CHCHD3: variants seen among roughly 807,000 people sequenced by gnomAD.
The protein encoded by CHCHD3 is MICOS complex subunit MIC19.
In CHCHD3, 20 loss-of-function variants were observed where a neutral mutation model predicts 38.2. That is an observed-to-expected ratio of 0.52 (90% CI 0.37 to 0.76). The LOEUF is 0.76. Ranked by LOEUF, CHCHD3 falls within the 30% of genes least tolerant of loss-of-function variation. The pLI, the probability that CHCHD3 is intolerant of heterozygous loss-of-function variation, is 0.00. For synonymous variants in CHCHD3, 82 were observed against 100.0 expected (o/e 0.82, Z 1.07); for missense variants, 245 against 279.2 (o/e 0.88, Z 0.87).
At chr7:132,825,864 TCTC>T (rs569316022) in intron 6 of CHCHD3, among the ~76,000 whole-genome samples, 176 of 152,228 alleles carry the variant, frequency 1.2e-3, no homozygotes, top group African/African-American at 3.9e-3. Context: ...CCTTCTCTCT[TCTC>T]CTCCTTGCCA....
chr7:133,073,237 C>T (rs1814879338), intron 1 of CHCHD3, among the ~76,000 whole-genome samples: 1 of 152,042 alleles, frequency 6.6e-6, no homozygotes, highest in Non-Finnish European at 1.5e-5. Flanking sequence ...GGACTCTGGC[C>T]ACATTTTATC....
chr7:133,042,512 C>CATT (rs1813861761), intron 2 of CHCHD3, among the ~76,000 whole-genome samples: 1 of 152,176 alleles, frequency 6.6e-6, no homozygotes, highest in Non-Finnish European at 1.5e-5. Context: ...TTACACTCAT[C>CATT]ATTATAATCA....
chr7:132,990,229 T>C (rs1203861340), intron 3 of CHCHD3, among the ~76,000 whole-genome samples: 6 of 152,176 alleles, frequency 3.9e-5, no homozygotes, highest in Non-Finnish European at 8.8e-5. Flanking sequence ...GAAATGCTCA[T>C]GCTTGACCTA....
rs145991490 is a variant in CHCHD3, at chr7:132,911,070, C to A, written c.370-25325G>T. ...AGATTAGGCTCAAAAAGAAGCATGGCCCATTCTCAGTCATGAAGAATAAGG... is the reference window on the plus strand; with the variant it reads ...AGATTAGGCTCAAAAAGAAGCATGGACCATTCTCAGTCATGAAGAATAAGG... On this transcript the variant is annotated intron_variant, in intron 4 of 7. Transcript: ENST00000262570. 5.6e-4 allele frequency among the ~76,000 whole-genome samples: 86 copies of A among 152,260 alleles called. 1 individual carries two copies. Among genetic ancestry groups the A allele is most frequent in the Non-Finnish European group, 1.0e-3 (68 of 68,016 alleles).
chr7:132,891,986 T>C (rs775833456), intron 4 of CHCHD3, among the ~76,000 whole-genome samples: 5 of 152,218 alleles, frequency 3.3e-5, no homozygotes, highest in African/African-American at 4.8e-5. Context: ...GTTAATTAAA[T>C]CTCTTTCTTT....
At chr7:133,081,086 G>A (rs571310405) in intron 1 of CHCHD3, among the ~76,000 whole-genome samples, 36 of 152,204 alleles carry the variant, frequency 2.4e-4, no homozygotes, top group Non-Finnish European at 4.3e-4. Flanking sequence ...TGTATCAGGT[G>A]CATGCAAAGG....
chr7:132,818,689 A>C (rs901302030), intron 6 of CHCHD3, among the ~76,000 whole-genome samples: 35 of 152,234 alleles, frequency 2.3e-4, no homozygotes, highest in African/African-American at 8.2e-4. Flanking sequence ...AGCAAAAAAA[A>C]CAGTCCTTAA....
chr7:132,877,504 A>G (rs1808942055), intron 5 of CHCHD3, among the ~76,000 whole-genome samples: 1 of 152,218 alleles, frequency 6.6e-6, no homozygotes, highest in Non-Finnish European at 1.5e-5. Flanking sequence ...TTAACAAAAG[A>G]TATGCTGATA....
At chr7:133,056,390 C>T (rs894430762) in intron 2 of CHCHD3, among the ~76,000 whole-genome samples, 1 of 152,170 alleles carries the variant, frequency 6.6e-6, no homozygotes, top group Non-Finnish European at 1.5e-5. Context: ...CTCGCCCCCA[C>T]CACCAATTCC....
chr7:133,009,754 C>A (rs769138068), intron 3 of CHCHD3, among the ~76,000 whole-genome samples: 6 of 152,142 alleles, frequency 3.9e-5, no homozygotes, highest in African/African-American at 1.2e-4. Flanking sequence ...AAGACTTACA[C>A]AACATACGCT....
chr7:133,031,812 A>T (rs1381562581), intron 2 of CHCHD3, among the ~76,000 whole-genome samples: 1 of 152,150 alleles, frequency 6.6e-6, no homozygotes, highest in Non-Finnish European at 1.5e-5. Context: ...TCAGATAAAG[A>T]CTCTGATTCT....
intron 5 of CHCHD3, among the ~76,000 whole-genome samples, chr7:132,869,067 C>T (rs943226928): frequency 2.0e-5 from 3 of 152,170 alleles, no homozygotes; most frequent in Non-Finnish European, 4.4e-5. Flanking sequence ...CACTGATATC[C>T]TAAGTCAGAC....
chr7:132,975,298 A>C lies in CHCHD3; in HGVS notation c.252-12T>G, dbSNP rs908670564. The C allele has an allele frequency of 6.3e-7, 1 of 1,593,052 alleles. No individual in the cohort carries two copies. On this transcript the variant is annotated splice_polypyrimidine_tract_variant and intron_variant, in intron 3 of 7. Transcript: ENST00000262570. ...TGGCTTGCTTTAGTCTAAAATGACA[A>C]GAATTGTCTAAGTTAGAAAAAATAT...
At chr7:132,817,899 A>AT (rs1157412626) in intron 6 of CHCHD3, among the ~76,000 whole-genome samples, 3 of 143,824 alleles carry the variant, frequency 2.1e-5, no homozygotes, top group Non-Finnish European at 4.7e-5. Context: ...CTCAAAAAAA[A>AT]AATAAAAATA....
intron 4 of CHCHD3, among the ~76,000 whole-genome samples, chr7:132,954,058 A>G (rs1811099269): frequency 6.6e-6 from 1 of 152,186 alleles, no homozygotes; most frequent in South Asian, 2.1e-4. Flanking sequence ...TGAAAGGCAA[A>G]GTTTAAAAGA....
At chr7:133,042,208 A>C (rs1394265317) in intron 2 of CHCHD3, among the ~76,000 whole-genome samples, 1 of 152,192 alleles carries the variant, frequency 6.6e-6, no homozygotes, top group African/African-American at 2.4e-5. Flanking sequence ...CTTAAAAGCA[A>C]GCTTGGTTGA....
chr7:132,789,068 G>A (rs1401218456), intron 7 of CHCHD3, among the ~76,000 whole-genome samples: 7 of 152,184 alleles, frequency 4.6e-5, no homozygotes, highest in Non-Finnish European at 2.9e-5. Context: ...GGAGGGATCC[G>A]TAGTCTGGTG....
chr7:132,902,196 AG>A (rs1045313616), intron 4 of CHCHD3, among the ~76,000 whole-genome samples: 9 of 152,224 alleles, frequency 5.9e-5, no homozygotes, highest in African/African-American at 1.4e-4. Context: ...AGGGAGAAAT[AG>A]GAACACTTTT....
intron 5 of CHCHD3, among the ~76,000 whole-genome samples, chr7:132,871,486 T>C (rs1358173011): frequency 6.6e-6 from 1 of 152,234 alleles, no homozygotes; most frequent in African/African-American, 2.4e-5. Flanking sequence ...GTTGTAGTTC[T>C]AGTTACATTT....
Sources: allele counts gnomAD v4.1 joint callset (sites outside exome capture counted in the v4.1 genomes callset), GRCh38; gene constraint gnomAD v4.1.1; transcripts MANE v1.5; gene names NCBI Gene and HGNC (gene_info 2026-07-23, HGNC 2026-07-21).